The following DYM variants were observed in gnomAD, a reference collection of about 807,000 sequenced individuals.
The protein encoded by DYM is dyggve-Melchior-Clausen syndrome protein.
Under a neutral mutation model 93.1 loss-of-function variants are expected in DYM, and 78 were observed. The ratio of observed to expected loss-of-function variants is 0.84; its 90% CI spans 0.70 to 1.01. DYM has a LOEUF of 1.01. Among genes scored for constraint, DYM ranks in the 50% least tolerant of loss-of-function variants. The pLI is 0.00. For synonymous variants in DYM, 321 were observed against 319.7 expected (o/e 1.00, Z -0.04); for missense variants, 789 against 845.0 (o/e 0.93, Z 0.82).
At chr18:49,375,227 C>CAT (rs2067387053) in intron 5 of DYM, among the ~76,000 whole-genome samples, 2 of 141,024 alleles carry the variant, frequency 1.4e-5, no homozygotes, top group Admixed American at 7.3e-5. Context: ...CACACACACA[C>CAT]ACATCTATAC....
intron 14 of DYM, among the ~76,000 whole-genome samples, chr18:49,187,567 C>T (rs2090568606): frequency 1.3e-5 from 2 of 151,908 alleles, no homozygotes; most frequent in Admixed American, 1.3e-4. Context: ...AAGACAAATA[C>T]AAGGAATTAA....
chr18:49,330,485 C>T (rs763102009), intron 8 of DYM, among the ~76,000 whole-genome samples: 9 of 151,894 alleles, frequency 5.9e-5, no homozygotes, highest in Non-Finnish European at 1.3e-4. Flanking sequence ...CTAATGATAC[C>T]ACATGCAATA....
intron 17 of DYM, among the ~76,000 whole-genome samples, chr18:49,077,771 A>G (rs1168217374): frequency 2.6e-5 from 4 of 152,204 alleles, no homozygotes; most frequent in Non-Finnish European, 4.4e-5. Flanking sequence ...TGACATTAGT[A>G]AAGCCATGTT....
intron 8 of DYM, among the ~76,000 whole-genome samples, chr18:49,297,035 A>G (rs1242940054): frequency 6.6e-6 from 1 of 152,172 alleles, no homozygotes; most frequent in Non-Finnish European, 1.5e-5. Context: ...GGATGTTTTT[A>G]AAGTGTACAA....
rs2070866996 is a variant in DYM, at chr18:49,040,430, T to A, written c.*3625A>T. Reference sequence around the variant, plus strand: ...CTGAATAGCTATACGCTAATGAGATTAAATTTTATGCTTTAATTCATACAA... The same window carrying A: ...CTGAATAGCTATACGCTAATGAGATAAAATTTTATGCTTTAATTCATACAA... On this transcript the variant is annotated 3_prime_UTR_variant, in exon 18 of 18. Transcript: ENST00000675505. Among the ~76,000 whole-genome samples, 1 of 152,238 alleles carries A rather than the reference T, an allele frequency of 6.6e-6. No homozygotes were observed. The highest frequency in any genetic ancestry group is 2.4e-5 in the African/African-American group (1 of 41,470).
intron 9 of DYM, 104 bp downstream of exon 9, chr18:49,286,330 A>G: frequency 7.5e-7 from 1 of 1,330,728 alleles, no homozygotes; most frequent in Non-Finnish European, 1.1e-6. Context: ...CAATATGAAA[A>G]CATACAATGG....
intron 15 of DYM, among the ~76,000 whole-genome samples, chr18:49,150,568 T>C (rs1342978914): frequency 2.0e-5 from 3 of 152,226 alleles, no homozygotes; most frequent in Non-Finnish European, 4.4e-5. Flanking sequence ...TTGGGCTTTC[T>C]GCCTCAAGGA....
In DYM at chr18:49,168,968, G is replaced by A. The variant is rs578151263; in HGVS notation, c.1626-5181C>T. Reference sequence around the variant, plus strand: ...AAGAATAGAGAAAACTCACAGGGGTGAGAAGTGGCAAGAAATGAAGCCGGT... The same window carrying A: ...AAGAATAGAGAAAACTCACAGGGGTAAGAAGTGGCAAGAAATGAAGCCGGT... On this transcript the variant is annotated intron_variant, in intron 14 of 17. Transcript: ENST00000675505. 5.9e-5 allele frequency among the ~76,000 whole-genome samples: 9 copies of A among 152,280 alleles called. No homozygotes were observed. In the South Asian group the frequency reaches 1.9e-3, roughly 32 times the overall value.
chr18:49,212,554 G>A (rs956804216), intron 13 of DYM, among the ~76,000 whole-genome samples: 3 of 151,730 alleles, frequency 2.0e-5, no homozygotes, highest in African/African-American at 7.3e-5. Context: ...CTGGAGTACA[G>A]TGCCACAATC....
intron 15 of DYM, among the ~76,000 whole-genome samples, chr18:49,158,816 C>G (rs2144939234): frequency 6.6e-6 from 1 of 152,024 alleles, no homozygotes; most frequent in East Asian, 1.9e-4. Flanking sequence ...TGGATAGAAT[C>G]AAGAAGATCT....
intron 2 of DYM, among the ~76,000 whole-genome samples, chr18:49,413,827 T>C (rs535663265): frequency 6.6e-6 from 1 of 152,190 alleles, no homozygotes; most frequent in African/African-American, 2.4e-5. Flanking sequence ...CTGGCCAACA[T>C]GGTGAAACCC....
intron 16 of DYM, among the ~76,000 whole-genome samples, chr18:49,112,527 T>C (rs2081516842): frequency 6.6e-6 from 1 of 152,172 alleles, no homozygotes; most frequent in Non-Finnish European, 1.5e-5. Flanking sequence ...TATTTGGTTG[T>C]CCTGTGACCT....
chr18:49,058,578 G>A (rs1015381348), intron 17 of DYM, among the ~76,000 whole-genome samples: 3 of 152,152 alleles, frequency 2.0e-5, no homozygotes, highest in African/African-American at 7.2e-5. Context: ...TCCACAAAGT[G>A]CTTGGGTTAC....
At chr18:49,257,870 A>C (rs1015925911) in intron 12 of DYM, among the ~76,000 whole-genome samples, 2 of 152,018 alleles carry the variant, frequency 1.3e-5, no homozygotes, top group Non-Finnish European at 2.9e-5. Flanking sequence ...AAAAAAAAAA[A>C]ATGCCATTTC....
intron 1 of DYM, among the ~76,000 whole-genome samples, chr18:49,439,975 A>G (rs1326157057): frequency 6.6e-6 from 1 of 151,378 alleles, no homozygotes; most frequent in Non-Finnish European, 1.5e-5. Flanking sequence ...ATGTCACTGT[A>G]CTTCAGCCTG....
At chr18:49,451,259 T>C (rs1174170506) in intron 1 of DYM, among the ~76,000 whole-genome samples, 1 of 152,220 alleles carries the variant, frequency 6.6e-6, no homozygotes, top group African/African-American at 2.4e-5. Context: ...GGCAATATAG[T>C]TGTTTGCATC....
chr18:49,219,312 A>G (rs947373161), intron 13 of DYM, among the ~76,000 whole-genome samples: 1 of 152,230 alleles, frequency 6.6e-6, no homozygotes, highest in African/African-American at 2.4e-5. Context: ...TTCACAGCCA[A>G]ATTCTACCAG....
intron 16 of DYM, among the ~76,000 whole-genome samples, chr18:49,109,425 T>C (rs1392987019): frequency 3.3e-5 from 5 of 152,264 alleles, no homozygotes; most frequent in Non-Finnish European, 7.3e-5. Flanking sequence ...GAGTTTATAC[T>C]ATACACCTTT....
chr18:49,151,051 A>G (rs1280401207), intron 15 of DYM, among the ~76,000 whole-genome samples: 2 of 152,232 alleles, frequency 1.3e-5, no homozygotes, highest in African/African-American at 2.4e-5. Flanking sequence ...GCACAAATCA[A>G]CTGGCCTTCC....
Sources: allele counts gnomAD v4.1 joint callset (sites outside exome capture counted in the v4.1 genomes callset), GRCh38; gene constraint gnomAD v4.1.1; transcripts MANE v1.5; gene names NCBI Gene and HGNC (gene_info 2026-07-23, HGNC 2026-07-21).